The following ZZEF1 variants were observed in gnomAD, a reference collection of about 807,000 sequenced individuals.
The protein encoded by ZZEF1 is zinc finger ZZ-type and EF-hand domain containing 1.
ZZEF1 carries 157 observed loss-of-function variants against 342.8 expected under a neutral mutation model. The ratio of observed to expected loss-of-function variants is 0.46; its 90% CI spans 0.40 to 0.52. ZZEF1 has a LOEUF of 0.52. Among genes scored for constraint, ZZEF1 ranks in the 20% least tolerant of loss-of-function variants. ZZEF1 has a pLI of 0.00. For synonymous variants in ZZEF1, 1,505 were observed against 1,429.1 expected (o/e 1.05, Z -1.20); for missense variants, 3,480 against 3,725.6 (o/e 0.93, Z 1.72).
intron 5 of ZZEF1, among the ~76,000 whole-genome samples, chr17:4,111,119 A>G (rs2058289805): frequency 6.6e-6 from 1 of 152,230 alleles, no homozygotes; most frequent in South Asian, 2.1e-4. Context: ...TTGTAAAAAG[A>G]TATGTATAGA....
intron 1 of ZZEF1, among the ~76,000 whole-genome samples, chr17:4,137,958 T>A (rs1262766142): frequency 6.6e-6 from 1 of 151,844 alleles, no homozygotes; most frequent in East Asian, 1.9e-4. Flanking sequence ...ACAAAGGAGG[T>A]GTCCCACTAG....
chr17:4,011,559 G>A (rs561693057), intron 52 of ZZEF1, among the ~76,000 whole-genome samples: 9 of 151,692 alleles, frequency 5.9e-5, no homozygotes, highest in African/African-American at 1.9e-4. Flanking sequence ...TTTTTTGTGT[G>A]TGTGTGTGTT....
At chr17:4,057,921 T>C (rs2057200335) in intron 32 of ZZEF1, 73 bp downstream of exon 32, 2 of 1,491,108 alleles carry the variant, frequency 1.3e-6, no homozygotes, top group East Asian at 4.6e-5. Flanking sequence ...TCTGTGCTCT[T>C]AACGCCCCCA....
chr17:4,042,321 C>T (rs1035372763), intron 39 of ZZEF1, 108 bp downstream of exon 39: 1 of 1,223,236 alleles, frequency 8.2e-7, no homozygotes, highest in Non-Finnish European at 1.1e-6. Flanking sequence ...CTAATCCTAC[C>T]CTTAAGGCTA....
chr17:4,009,498 C>T, intron 53 of ZZEF1, 106 bp downstream of exon 53: 1 of 1,507,356 alleles, frequency 6.6e-7, no homozygotes, highest in Non-Finnish European at 9.1e-7. Flanking sequence ...CCTGTCGAGA[C>T]CCTGGCCACT....
At chr17:4,018,909 A>G (rs2466944) in intron 46 of ZZEF1, among the ~76,000 whole-genome samples, 75,171 of 150,614 alleles carry the variant, frequency 0.5, 21,036 homozygotes, top group African/African-American at 0.77. Flanking sequence ...TCACTCCACA[A>G]ATGAGAACGC....
intron 52 of ZZEF1, among the ~76,000 whole-genome samples, chr17:4,013,065 C>T (rs982201996): frequency 1.4e-5 from 2 of 143,350 alleles, no homozygotes; most frequent in Non-Finnish European, 1.5e-5. Flanking sequence ...CTCCAGCCTG[C>T]GTGACAGAGT....
chr17:4,118,978 C>T (rs1281639249), intron 2 of ZZEF1, among the ~76,000 whole-genome samples: 1 of 152,186 alleles, frequency 6.6e-6, no homozygotes, highest in Admixed American at 6.5e-5. Flanking sequence ...TGATCAAGAT[C>T]TCTGCAAACA....
intron 1 of ZZEF1, among the ~76,000 whole-genome samples, chr17:4,130,001 G>C (rs989344909): frequency 2.0e-5 from 3 of 152,078 alleles, no homozygotes; most frequent in Non-Finnish European, 4.4e-5. Flanking sequence ...ACGGACCCTG[G>C]GGCCTACCTA....
rs139198615 is a variant in ZZEF1 at position 4,099,479 on chromosome 17, C to T, written c.1673-2779G>A. 3.5e-3 allele frequency among the ~76,000 whole-genome samples: 534 copies of T among 152,260 alleles called. 4 individuals carry two copies. The highest frequency in any genetic ancestry group is 5.9e-3 in the Non-Finnish European group (403 of 68,018). ...TCAGGAAATCCTCCCACCTCTGCCTCCCAAAGTGTCGGGGTTACAGGCATG... is the reference window on the plus strand; with the variant it reads ...TCAGGAAATCCTCCCACCTCTGCCTTCCAAAGTGTCGGGGTTACAGGCATG... On this transcript the variant is annotated intron_variant, in intron 9 of 54. Transcript: ENST00000381638.
At position 4,016,345 on chromosome 17, in the gene ZZEF1, T is replaced by C. The variant is rs759385798; in HGVS notation, c.8123A>G (p.Tyr2708Cys). 2 of 1,614,178 alleles carry C rather than the reference T, an allele frequency of 1.2e-6. No homozygotes were observed. The highest frequency in any genetic ancestry group is 1.7e-6 in the Non-Finnish European group (2 of 1,180,024). ...EVQVRESKHP[Y>C]NNNTNFEDKV... ...TACCTCGAAGTTGGTGTTGTTGTTA[T>C]ACGGGTGTTTCGACTCCCTCACTTG... The change falls in exon 49 of 55, where the codon TAT (tyrosine) becomes TGT (cysteine). Residue 2708 changes from tyrosine (Y) to cysteine (C), a missense_variant. Tyr to Cys is a radical substitution (Grantham distance 194). Around this residue, in one of 5 missense-constraint regions of ZZEF1, gnomAD observed 1,269 missense variants for 1,342.4 expected, o/e 0.95. Transcript: ENST00000381638. The surrounding 1 kb of genome is among the most constrained non-coding windows in gnomAD (Gnocchi z 4.4).
In ZZEF1 at chr17:4,034,017, G is replaced by A; in HGVS notation, c.6582C>T (p.Asp2194=). ...LLFSLGAVCL[D]SRVGLDWACS... is the part of the protein sequence containing the mutation. ...AGAGGAGCGAGGACCAAGGCTACCT[G>A]TCCAGACACACAGCTCCCAGGCTAA... Residue 2194 remains aspartate (D), a splice_region_variant and synonymous_variant, in exon 40 of 55, where the codon GAC becomes GAT. Transcript: ENST00000381638. The A allele has an allele frequency of 1.2e-6, 2 of 1,613,800 alleles. No individual in the cohort carries two copies. Among genetic ancestry groups the A allele is most frequent in the Non-Finnish European group, 1.7e-6 (2 of 1,179,864 alleles).
At chr17:4,012,916 T>C (rs961333976) in intron 52 of ZZEF1, among the ~76,000 whole-genome samples, 1 of 152,062 alleles carries the variant, frequency 6.6e-6, no homozygotes, top group Non-Finnish European at 1.5e-5. Context: ...GTCCTCTACA[T>C]AGAAACCTCT....
intron 45 of ZZEF1, chr17:4,020,126 G>C (rs1056628458): frequency 2.8e-5 from 5 of 180,056 alleles, no homozygotes; most frequent in East Asian, 1.7e-4. Context: ...CATAGGCACT[G>C]TATTTTCTTT....
At chr17:4,007,513 G>C (rs990366272) in intron 54 of ZZEF1, among the ~76,000 whole-genome samples, 1 of 152,182 alleles carries the variant, frequency 6.6e-6, no homozygotes, top group Non-Finnish European at 1.5e-5. Flanking sequence ...GGCTGTGGGG[G>C]GGGTCAGAAG....
intron 25 of ZZEF1, among the ~76,000 whole-genome samples, 190 bp downstream of exon 25, chr17:4,072,418 C>A (rs940460906): frequency 1.3e-5 from 2 of 152,216 alleles, no homozygotes; most frequent in African/African-American, 4.8e-5. Context: ...TATTTCTGAA[C>A]ACCTATTGCG....
Position 4,085,624 on chromosome 17 carries a change from C to G in ZZEF1, c.2646+46G>C, listed in dbSNP as rs776792988. The G allele has an allele frequency of 2.5e-6, 4 of 1,607,896 alleles. No homozygotes were observed. In the Admixed American group the frequency reaches 6.7e-5, roughly 27 times the overall value. ...GGTAACAAAGCCTAGCAAATTTCAT[C>G]CTCACAGACTTCAGACATTGAATCC... On this transcript the variant is annotated intron_variant, in intron 16 of 54. Coordinates refer to ENST00000381638, the MANE Select transcript of ZZEF1 (RefSeq NM_015113.4).
Position 4,123,953 on chromosome 17 carries a change from C to T in ZZEF1, c.453G>A (p.Glu151=). Residue 151 remains glutamate (E), a synonymous_variant, in exon 2 of 55, where the codon GAG becomes GAA. Transcript: ENST00000381638. Reference sequence around the variant, plus strand: ...GTAGTTGTCTGATGATGTGGCTCAGCTCCCCCTGAAGATTAGCTCCACTGG... The same window carrying T: ...GTAGTTGTCTGATGATGTGGCTCAGTTCCCCCTGAAGATTAGCTCCACTGG... The part of the protein sequence containing the change: ...KNSSGANLQG[E]LSHIIRQLQA... The T allele has an allele frequency of 1.2e-6, 2 of 1,613,950 alleles. No individual in the cohort carries two copies. Among genetic ancestry groups the T allele is most frequent in the South Asian group, 2.2e-5 (2 of 91,062 alleles).
chr17:4,028,376 T>C lies in ZZEF1; in HGVS notation c.6893-3258A>G, dbSNP rs185204527. 2.5e-3 allele frequency among the ~76,000 whole-genome samples: 375 copies of C among 152,046 alleles called. 2 individuals carry two copies. The highest frequency in any genetic ancestry group is 3.9e-3 in the Non-Finnish European group (267 of 67,964). ...CAGCCTGGCCAACATGACAAAACCC[T>C]ATCTCTACTAAAAATACAAAAATTA... On this transcript the variant is annotated intron_variant, in intron 42 of 54. Coordinates refer to ENST00000381638, the MANE Select transcript of ZZEF1 (RefSeq NM_015113.4).
Sources: gnomAD v4.1 joint callset for allele counts (sites outside exome capture counted in the v4.1 genomes callset) on GRCh38, gnomAD v4.1.1 for gene constraint, gnomAD v4.1.1 regional missense constraint, Gnocchi (gnomAD v3.1) non-coding constraint, MANE v1.5 for transcripts, NCBI Gene and HGNC (gene_info 2026-07-23, HGNC 2026-07-21) for gene names.